IL17RD: variants seen among roughly 807,000 people sequenced by gnomAD.
IL17RD encodes interleukin 17 receptor D.
IL17RD carries 52 observed loss-of-function variants against 80.5 expected under a neutral mutation model. The ratio of observed to expected loss-of-function variants is 0.65; its 90% CI spans 0.52 to 0.81. The LOEUF (loss-of-function observed/expected upper bound fraction) is 0.81. Ranked by LOEUF, IL17RD falls within the 40% of genes least tolerant of loss-of-function variation. The probability of loss-of-function intolerance (pLI) is 0.00; values close to 1 mark genes in which losing one functional copy is unlikely to be tolerated. For synonymous variants in IL17RD, 416 were observed against 391.8 expected (o/e 1.06, Z -0.73); for missense variants, 1,024 against 955.1 (o/e 1.07, Z -0.95).
intron 1 of IL17RD, among the ~76,000 whole-genome samples, chr3:57,144,619 T>A (rs1046767316): frequency 6.6e-6 from 1 of 152,194 alleles, no homozygotes; most frequent in African/African-American, 2.4e-5. Flanking sequence ...AGGAATTGCT[T>A]TTACAGGGCT....
At chr3:57,128,201 G>T (rs1421948140) in intron 1 of IL17RD, among the ~76,000 whole-genome samples, 1 of 152,202 alleles carries the variant, frequency 6.6e-6, no homozygotes, top group Non-Finnish European at 1.5e-5. Flanking sequence ...CTCTTGGGGA[G>T]TGCTGCTGGG....
chr3:57,098,490 T>C lies in IL17RD; in HGVS notation c.1213A>G (p.Arg405Gly). 2.5e-6 allele frequency: 4 copies of C among 1,613,300 alleles called. No individual in the cohort carries two copies. The highest frequency in any genetic ancestry group is 2.5e-6 in the Non-Finnish European group (3 of 1,179,456). Residue 405 changes from arginine (R) to glycine (G), a missense_variant, in exon 12 of 13, where the codon AGA becomes GGA. Arg to Gly is a moderately radical substitution (Grantham distance 125). Coordinates refer to ENST00000296318, the MANE Select transcript of IL17RD (RefSeq NM_017563.5). The stretch of plus-strand genomic sequence containing the variant: ...TGGATCTTCTGGATGACCCATTCTC[T>C]CTGCCCTTCTCTACAGAGGCTGAAG... The part of the protein sequence containing the change: ...EDFSLCREGQ[R>G]EWVIQKIHES...
At position 57,094,825 on chromosome 3, in the gene IL17RD, C is replaced by T. The variant is rs1391718354; in HGVS notation, c.*1568G>A. Reference sequence around the variant, plus strand: ...TATGGGGAGGCAGTCTTGCAGCTCACTGTCTCTCCCTCAGAGCAGCTGCAA... The same window carrying T: ...TATGGGGAGGCAGTCTTGCAGCTCATTGTCTCTCCCTCAGAGCAGCTGCAA... On this transcript the variant is annotated 3_prime_UTR_variant, in exon 13 of 13. Coordinates refer to ENST00000296318, the MANE Select transcript of IL17RD (RefSeq NM_017563.5). The T allele has an allele frequency of 6.6e-6, 1 of 152,628 alleles. No individual in the cohort carries two copies. Among genetic ancestry groups the T allele is most frequent in the Non-Finnish European group, 1.5e-5 (1 of 68,052 alleles). The allele number at this position is 152,628 out of a possible 1,614,324, so 9.5% of individuals were successfully genotyped here.
chr3:57,100,529 T>C (rs1706803371), intron 11 of IL17RD, among the ~76,000 whole-genome samples: 1 of 152,202 alleles, frequency 6.6e-6, no homozygotes, highest in African/African-American at 2.4e-5. Context: ...AGCAGATCAT[T>C]TCAGTGCTTG....
chr3:57,157,892 G>A (rs989517346), intron 1 of IL17RD, among the ~76,000 whole-genome samples: 1 of 152,092 alleles, frequency 6.6e-6, no homozygotes, highest in Admixed American at 6.5e-5. Context: ...TGGGGACACT[G>A]CCAGCATTTT....
intron 11 of IL17RD, among the ~76,000 whole-genome samples, chr3:57,100,678 T>C (rs1164938404): frequency 6.6e-6 from 1 of 152,186 alleles, no homozygotes; most frequent in East Asian, 1.9e-4. Flanking sequence ...GCCCTTCGTT[T>C]ATCACTTCTC....
intron 1 of IL17RD, among the ~76,000 whole-genome samples, chr3:57,143,568 A>T (rs959836301): frequency 6.6e-6 from 1 of 152,248 alleles, no homozygotes; most frequent in African/African-American, 2.4e-5. Context: ...GCTTACACAC[A>T]AATCTGCCAA....
At position 57,092,516 on chromosome 3, in the gene IL17RD, G is replaced by A. The variant is rs1026487164; in HGVS notation, c.*3877C>T. ...AGGCAGGAGAATGGCGTGAACCCGGGAGGTGGAGCTTGCAGTGAGCCGAGA... is the reference window on the plus strand; with the variant it reads ...AGGCAGGAGAATGGCGTGAACCCGGAAGGTGGAGCTTGCAGTGAGCCGAGA... On this transcript the variant is annotated 3_prime_UTR_variant, in exon 13 of 13. Coordinates refer to ENST00000296318, the MANE Select transcript of IL17RD (RefSeq NM_017563.5). 3 of 152,034 alleles carry A rather than the reference G, an allele frequency of 2.0e-5. No individual in the cohort carries two copies. The highest frequency in any genetic ancestry group is 4.4e-5 in the Non-Finnish European group (3 of 68,014). 9.4% of individuals were successfully genotyped at this position (152,034 alleles called of 1,614,324 possible). A position where few individuals can be genotyped will look rare whatever the true frequency, so the allele number is the denominator to read the frequency against.
At chr3:57,122,175 G>A (rs902547447) in intron 1 of IL17RD, among the ~76,000 whole-genome samples, 9 of 152,220 alleles carry the variant, frequency 5.9e-5, no homozygotes, top group African/African-American at 2.2e-4. Context: ...CAGCCCTTGA[G>A]TAAGGATGAA....
At chr3:57,097,506 G>A (rs934308584) in intron 12 of IL17RD, 90 bp downstream of exon 12, 1 of 995,680 alleles carries the variant, frequency 1.0e-6, no homozygotes, top group Non-Finnish European at 1.5e-6. Flanking sequence ...CCAATAAGTT[G>A]GCACCAAAAG....
At chr3:57,148,894 C>G (rs35182842) in intron 1 of IL17RD, among the ~76,000 whole-genome samples, 419 of 152,328 alleles carry the variant, frequency 2.8e-3, no homozygotes, top group African/African-American at 9.5e-3. Context: ...TATCCTATCA[C>G]TGCAGAAGAA....
intron 1 of IL17RD, among the ~76,000 whole-genome samples, chr3:57,156,649 G>A (rs1252917677): frequency 6.6e-6 from 1 of 152,134 alleles, no homozygotes; most frequent in Non-Finnish European, 1.5e-5. Context: ...AATGGCCACT[G>A]AGTGTCCCTC....
chr3:57,114,894 C>T, intron 2 of IL17RD, 77 bp from the exon 3 acceptor site: 2 of 1,253,792 alleles, frequency 1.6e-6, no homozygotes, highest in Non-Finnish European at 1.1e-6. Flanking sequence ...TCAAAATAAA[C>T]AGGGCATGTC....
In IL17RD at chr3:57,146,045, G is replaced by GCGCACACA. The variant is rs766646872; in HGVS notation, c.126+19115_126+19116insTGTGTGCG. Among the ~76,000 whole-genome samples, 102 of 151,246 alleles carry GCGCACACA rather than the reference G, an allele frequency of 6.7e-4. 2 individuals are homozygous for GCGCACACA. The highest frequency in any genetic ancestry group is 5.0e-3 in the South Asian group (24 of 4,778). ...CACACACACTCACGCGCGCGCGCGCGCACACACACACACACTGATGCATGC... is the reference window on the plus strand; with the variant it reads ...CACACACACTCACGCGCGCGCGCGCGCGCACACACACACACACACACACTGATGCATGC... On this transcript the variant is annotated intron_variant, in intron 1 of 12. Coordinates refer to ENST00000296318, the MANE Select transcript of IL17RD (RefSeq NM_017563.5).
In IL17RD at chr3:57,154,192, C is replaced by T. The variant is rs557622949; in HGVS notation, c.126+10969G>A. Reference sequence around the variant, plus strand: ...GGAGCCCAGGAGTTCAAGGCTGCAACGAGCTATAATTGCATGACTGCACTT... The same window carrying T: ...GGAGCCCAGGAGTTCAAGGCTGCAATGAGCTATAATTGCATGACTGCACTT... On this transcript the variant is annotated intron_variant, in intron 1 of 12. Coordinates refer to ENST00000296318, the MANE Select transcript of IL17RD (RefSeq NM_017563.5). 2.5e-4 allele frequency among the ~76,000 whole-genome samples: 38 copies of T among 150,372 alleles called. 1 individual carries two copies. In the South Asian group the frequency reaches 7.4e-3, roughly 29 times the overall value.
chr3:57,157,391 C>G (rs1222504822), intron 1 of IL17RD, among the ~76,000 whole-genome samples: 1 of 152,018 alleles, frequency 6.6e-6, no homozygotes, highest in African/African-American at 2.4e-5. Flanking sequence ...CAGGCCCCTA[C>G]TCCTTTGTCT....
chr3:57,113,957 G>A (rs909441045), intron 3 of IL17RD, among the ~76,000 whole-genome samples: 6 of 151,826 alleles, frequency 4.0e-5, no homozygotes, highest in Non-Finnish European at 7.4e-5. Flanking sequence ...AGGCCGAGGC[G>A]GGCGGATCAC....
At chr3:57,108,818 C>A (rs893551498) in intron 5 of IL17RD, among the ~76,000 whole-genome samples, 14 of 151,008 alleles carry the variant, frequency 9.3e-5, no homozygotes, top group African/African-American at 3.4e-4. Flanking sequence ...GCCTGGCCAT[C>A]TGTCTTTTTT....
rs568173809 is a variant in IL17RD at position 57,163,542 on chromosome 3, T to A, written c.126+1619A>T. Among the ~76,000 whole-genome samples, 42 of 152,084 alleles carry A rather than the reference T, an allele frequency of 2.8e-4. 2 individuals are homozygous for A. In the South Asian group the frequency reaches 8.7e-3, roughly 32 times the overall value. On this transcript the variant is annotated intron_variant, in intron 1 of 12. Coordinates refer to ENST00000296318, the MANE Select transcript of IL17RD (RefSeq NM_017563.5). ...GAATCGGACTGATTTACCTACGCCA[T>A]CACATGAACACTCAAAATAAAACGC...
Sources: allele counts gnomAD v4.1 joint callset (sites outside exome capture counted in the v4.1 genomes callset), GRCh38; gene constraint gnomAD v4.1.1; transcripts MANE v1.5; gene names NCBI Gene and HGNC (gene_info 2026-07-23, HGNC 2026-07-21).